EIF4A1: variants seen among roughly 807,000 people sequenced by gnomAD.
EIF4A1 encodes the protein eukaryotic initiation factor 4A-I.
In EIF4A1, 11 loss-of-function variants were observed where a neutral mutation model predicts 53.5. The observed-to-expected ratio is 0.21, with a 90% CI of 0.13 to 0.34. EIF4A1 has a LOEUF of 0.34. EIF4A1 is among the 10% of genes least tolerant of loss of function. The pLI is 1.00. For synonymous variants in EIF4A1, 237 were observed against 186.7 expected (o/e 1.27, Z -2.20); for missense variants, 213 against 530.8 (o/e 0.40, Z 5.88).
chr17:7,573,954 C>T (rs1463742704), intron 1 of EIF4A1: 10 of 398,078 alleles, frequency 2.5e-5, no homozygotes, highest in Non-Finnish European at 4.1e-5. Context: ...GTCGGGCCCA[C>T]GTGGACCCGG....
Position 7,576,710 on chromosome 17 carries a change from C to T in EIF4A1, c.514+18C>T, listed in dbSNP as rs534290165. 3.2e-6 allele frequency: 5 copies of T among 1,587,250 alleles called. No individual in the cohort carries two copies. In the South Asian group the frequency reaches 4.5e-5, roughly 14 times the overall value. ...ATACCTGTGTGAGTAATTCGGTTCT[C>T]CAATCCCCTGGGTCACTTTGCTCTT... On this transcript the variant is annotated intron_variant, in intron 5 of 10. Transcript: ENST00000293831.
At chr17:7,576,441 G>C (rs1417185840) in intron 4 of EIF4A1, 83 bp from the exon 5 acceptor site, 1 of 1,475,142 alleles carries the variant, frequency 6.8e-7, no homozygotes, top group Non-Finnish European at 9.0e-7. Context: ...TTGTTGGTTA[G>C]GAATCAATAC....
At chr17:7,574,840 A>T in intron 3 of EIF4A1, 162 bp downstream of exon 3, 7 of 1,247,250 alleles carry the variant, frequency 5.6e-6, no homozygotes, top group Non-Finnish European at 7.0e-6. Context: ...CATGCCTTGG[A>T]CACATAGGTT....
rs1159144794 is a variant in EIF4A1, at chr17:7,574,686, C to T, written c.205+8C>T. 3.7e-6 allele frequency: 6 copies of T among 1,612,364 alleles called. No individual in the cohort carries two copies. The highest frequency in any genetic ancestry group is 2.1e-4 in the Middle Eastern group (1 of 4,754). On this transcript the variant is annotated splice_region_variant and intron_variant, in intron 3 of 10. Coordinates refer to ENST00000293831, the MANE Select transcript of EIF4A1 (RefSeq NM_001416.4). Reference sequence around the variant, plus strand: ...TTCTACCTTGTATCAAGGGTGAGACCTCTCAGTCCCAGAAGACATTGTGGA... The same window carrying T: ...TTCTACCTTGTATCAAGGGTGAGACTTCTCAGTCCCAGAAGACATTGTGGA...
At chr17:7,574,036 C>T in intron 1 of EIF4A1, 1 of 576,816 alleles carries the variant, frequency 1.7e-6, no homozygotes, top group South Asian at 2.1e-5. Flanking sequence ...AAGGGTCACC[C>T]CCTTATGTCG....
intron 9 of EIF4A1, 113 bp from the exon 10 acceptor site, chr17:7,578,052 G>T: frequency 6.4e-7 from 1 of 1,571,804 alleles, no homozygotes; most frequent in Non-Finnish European, 8.8e-7. Context: ...TGGGGAACTG[G>T]GATGCTTATT....
chr17:7,575,629 C>G, intron 4 of EIF4A1: 1 of 366,270 alleles, frequency 2.7e-6, no homozygotes, highest in East Asian at 6.8e-5. Flanking sequence ...CTGTTTCATG[C>G]CTGGGGCACA....
chr17:7,574,372 G>T, intron 2 of EIF4A1, 64 bp downstream of exon 2: 1 of 1,612,398 alleles, frequency 6.2e-7, no homozygotes, highest in African/African-American at 1.3e-5. Flanking sequence ...TAGAGTTAGA[G>T]TGGCCTCTTG....
chr17:7,574,467 C>G, intron 2 of EIF4A1, 79 bp from the exon 3 acceptor site: 1 of 1,603,256 alleles, frequency 6.2e-7, no homozygotes, highest in South Asian at 1.1e-5. Flanking sequence ...TAGTAGGCAC[C>G]AGATTCTGTT....
At position 7,577,966 on chromosome 17, in the gene EIF4A1, T is replaced by C. The variant is rs374355311; in HGVS notation, c.996+50T>C. ...AGGCAGAAGGGAGGATCCAAGGTGA[T>C]TCCCTCTCCAAGGGGACATCAGTGC... is the stretch of plus-strand genomic sequence containing the variant. On this transcript the variant is annotated intron_variant, in intron 9 of 10. Coordinates refer to ENST00000293831, the MANE Select transcript of EIF4A1 (RefSeq NM_001416.4). The surrounding 1 kb of genome is among the most constrained non-coding windows in gnomAD (Gnocchi z 4.7). 18 of 1,606,690 alleles carry C rather than the reference T, an allele frequency of 1.1e-5. No individual in the cohort carries two copies. Among genetic ancestry groups the C allele is most frequent in the Admixed American group, 1.0e-4 (6 of 60,000 alleles).
chr17:7,573,338 C>G (rs146911632), intron 1 of EIF4A1: 1 of 211,784 alleles, frequency 4.7e-6, no homozygotes. Context: ...TTCGTCGCGG[C>G]TAAAACACGG....
At chr17:7,574,181 C>A in intron 1 of EIF4A1, 79 bp from the exon 2 acceptor site, 1 of 1,564,828 alleles carries the variant, frequency 6.4e-7, no homozygotes, top group Admixed American at 1.7e-5. Flanking sequence ...ATGCAGGCCA[C>A]TCCTGACAGA....
intron 1 of EIF4A1, chr17:7,573,965 C>A: frequency 2.4e-6 from 1 of 416,114 alleles, no homozygotes; most frequent in Non-Finnish European, 4.4e-6. Context: ...GTGGACCCGG[C>A]GGCAAGCACC....
chr17:7,574,728 T>C (rs998668385), intron 3 of EIF4A1, 50 bp downstream of exon 3: 10 of 1,609,560 alleles, frequency 6.2e-6, no homozygotes, highest in Non-Finnish European at 8.5e-6. Flanking sequence ...CTGACCTGGG[T>C]AGAGTGGCAT....
At position 7,577,744 on chromosome 17, in the gene EIF4A1, C is replaced by T. The variant is rs565905669; in HGVS notation, c.906+38C>T. The T allele has an allele frequency of 1.9e-5, 30 of 1,613,690 alleles. No homozygotes were observed. In the East Asian group the frequency reaches 2.9e-4, roughly 16 times the overall value. ...GCTGCCAGCCTGTTGTGGGTCTGCC[C>T]GTCAGAAGTGTCCTACTTGAAGCCA... On this transcript the variant is annotated intron_variant, in intron 8 of 10. Coordinates refer to ENST00000293831, the MANE Select transcript of EIF4A1 (RefSeq NM_001416.4). The surrounding 1 kb of genome is among the most constrained non-coding windows in gnomAD (Gnocchi z 4.7).
intron 3 of EIF4A1, 62 bp from the exon 4 acceptor site, chr17:7,575,057 G>A (rs2071382723): frequency 1.3e-6 from 2 of 1,597,844 alleles, no homozygotes; most frequent in African/African-American, 1.3e-5. Flanking sequence ...CATTAACCTA[G>A]GACTTGAATA....
chr17:7,573,079 G>A (rs960822764), intron 1 of EIF4A1, among the ~76,000 whole-genome samples: 2 of 152,106 alleles, frequency 1.3e-5, no homozygotes, highest in African/African-American at 4.8e-5. Flanking sequence ...AGGGTCAGGC[G>A]TGCGAGGTCT....
chr17:7,577,521 G>T lies in EIF4A1; in HGVS notation c.768+34G>T. ...CAGTGCAGGAGGCGGGCCTGGTAGT[G>T]AGTTGTTGGGTATAGCCCCTGACTG... is the stretch of plus-strand genomic sequence containing the variant. On this transcript the variant is annotated intron_variant, in intron 7 of 10. Transcript: ENST00000293831. The surrounding 1 kb of genome is among the most constrained non-coding windows in gnomAD (Gnocchi z 4.7). 4.3e-6 allele frequency: 7 copies of T among 1,613,648 alleles called. No individual in the cohort carries two copies. Among genetic ancestry groups the T allele is most frequent in the Non-Finnish European group, 5.9e-6 (7 of 1,179,720 alleles).
chr17:7,576,753 T>C (rs2071406684), intron 5 of EIF4A1, 61 bp downstream of exon 5: 1 of 1,563,794 alleles, frequency 6.4e-7, no homozygotes. Flanking sequence ...CTTTCCAGTC[T>C]TTCAGCGTAA....
Sources: allele counts gnomAD v4.1 joint callset (sites outside exome capture counted in the v4.1 genomes callset), GRCh38; gene constraint gnomAD v4.1.1; non-coding constraint Gnocchi (gnomAD v3.1); transcripts MANE v1.5; gene names NCBI Gene and HGNC (gene_info 2026-07-23, HGNC 2026-07-21).